DCDC1: variants seen among roughly 807,000 people sequenced by gnomAD.
DCDC1 encodes the protein doublecortin domain-containing protein 1.
In DCDC1, 200 loss-of-function variants were observed where a neutral mutation model predicts 178.3. The observed-to-expected ratio is 1.12, with a 90% CI of 1.00 to 1.26. DCDC1 has a LOEUF of 1.26. Among genes scored for constraint, DCDC1 ranks in the 50% most tolerant of loss-of-function variants. DCDC1 has a pLI of 0.00. For missense variants in DCDC1, 1,983 were observed against 1,749.2 expected (o/e 1.13, Z -2.38); for synonymous variants, 690 against 604.8 (o/e 1.14, Z -2.07).
intron 34 of DCDC1, among the ~76,000 whole-genome samples, chr11:30,894,785 A>C (rs1460584516): frequency 6.6e-6 from 1 of 152,146 alleles, no homozygotes; most frequent in Non-Finnish European, 1.5e-5. Context: ...TTTCCCCCAC[A>C]ATTAGCTTAG....
At position 30,922,655 on chromosome 11, in the gene DCDC1, CT is replaced by C. The variant is rs1251164333; in HGVS notation, c.2998-18del. ...AACATACACCTATCAAACAAAGCAT[CT>C]CTTATCCTGTATATAATTGTCACAG... is the stretch of plus-strand genomic sequence containing the variant. On this transcript the variant is annotated intron_variant, in intron 23 of 38. Transcript: ENST00000684477. 6.6e-6 allele frequency: 10 copies of C among 1,507,088 alleles called. No homozygotes were observed. The highest frequency in any genetic ancestry group is 5.3e-6 in the Non-Finnish European group (6 of 1,136,082). 93.4% of individuals were successfully genotyped at this position (1,507,088 alleles called of 1,614,324 possible).
intron 20 of DCDC1, among the ~76,000 whole-genome samples, chr11:31,037,985 T>G (rs1954183870): frequency 6.8e-6 from 1 of 147,788 alleles, no homozygotes; most frequent in Non-Finnish European, 1.5e-5. Flanking sequence ...GAACATGCGG[T>G]GTTTGGTTTT....
chr11:31,028,659 A>G (rs1275057359), intron 20 of DCDC1, among the ~76,000 whole-genome samples: 1 of 152,034 alleles, frequency 6.6e-6, no homozygotes, highest in Non-Finnish European at 1.5e-5. Flanking sequence ...CACTGTGATA[A>G]ACCTATTTGA....
At chr11:30,929,426 T>G (rs1227197128) in intron 22 of DCDC1, among the ~76,000 whole-genome samples, 6 of 152,004 alleles carry the variant, frequency 3.9e-5, no homozygotes, top group African/African-American at 1.2e-4. Context: ...TCATTCAGGG[T>G]CAACATCTAG....
chr11:31,078,274 T>A (rs1314011027), intron 17 of DCDC1, among the ~76,000 whole-genome samples: 5 of 152,062 alleles, frequency 3.3e-5, no homozygotes, highest in Non-Finnish European at 7.4e-5. Flanking sequence ...GAGACTTAAT[T>A]AAGTATAAAG....
chr11:31,105,922 TA>T (rs1314549074), intron 13 of DCDC1, among the ~76,000 whole-genome samples: 1 of 152,202 alleles, frequency 6.6e-6, no homozygotes, highest in Non-Finnish European at 1.5e-5. Context: ...TATGAAAAAT[TA>T]TTTTCCCTTA....
intron 9 of DCDC1, among the ~76,000 whole-genome samples, chr11:31,234,227 G>A (rs556500813): frequency 1.3e-4 from 20 of 152,286 alleles, no homozygotes; most frequent in African/African-American, 3.6e-4. Context: ...GGGAGGTTAT[G>A]TAAAATTGAT....
At chr11:31,034,998 C>A (rs1370736747) in intron 20 of DCDC1, among the ~76,000 whole-genome samples, 1 of 151,944 alleles carries the variant, frequency 6.6e-6, no homozygotes, top group Non-Finnish European at 1.5e-5. Context: ...GCAAAAGTGC[C>A]CAGAAAAGTT....
chr11:30,944,172 C>T, intron 21 of DCDC1: 1 of 361,462 alleles, frequency 2.8e-6, no homozygotes, highest in South Asian at 2.3e-5. Flanking sequence ...GAACACCAAA[C>T]TTTTTCTGTG....
At chr11:31,025,421 A>G (rs1953157634) in intron 20 of DCDC1, among the ~76,000 whole-genome samples, 1 of 151,818 alleles carries the variant, frequency 6.6e-6, no homozygotes, top group South Asian at 2.1e-4. Context: ...TTCTTAAAAC[A>G]TCCATTACTA....
chr11:31,329,591 G>T (rs1949853421), intron 2 of DCDC1, among the ~76,000 whole-genome samples: 1 of 151,970 alleles, frequency 6.6e-6, no homozygotes, highest in South Asian at 2.1e-4. Flanking sequence ...GATGTTCTCT[G>T]CCCTGTGTCC....
chr11:31,100,311 G>T (rs181937090), intron 15 of DCDC1, among the ~76,000 whole-genome samples: 23 of 152,296 alleles, frequency 1.5e-4, no homozygotes, highest in Non-Finnish European at 2.9e-4. Flanking sequence ...TTGTGCATTT[G>T]CCCTACATTC....
At chr11:31,321,906 C>T (rs936830619) in intron 3 of DCDC1, among the ~76,000 whole-genome samples, 1 of 152,078 alleles carries the variant, frequency 6.6e-6, no homozygotes, top group Non-Finnish European at 1.5e-5. Flanking sequence ...GAAGAAAAAG[C>T]CCTGGTTACT....
At chr11:30,997,994 T>G (rs1473921929) in intron 20 of DCDC1, among the ~76,000 whole-genome samples, 2 of 151,872 alleles carry the variant, frequency 1.3e-5, no homozygotes, top group Non-Finnish European at 1.5e-5. Context: ...AGAGAGAGTT[T>G]AAAAAGAAAG....
chr11:31,086,796 T>C (rs536323893), intron 17 of DCDC1, among the ~76,000 whole-genome samples: 3 of 152,282 alleles, frequency 2.0e-5, no homozygotes, highest in Non-Finnish European at 4.4e-5. Context: ...TTGTATTCCA[T>C]TTGCTAAAAT....
At chr11:31,157,423 A>G (rs1191625984) in intron 9 of DCDC1, among the ~76,000 whole-genome samples, 4 of 143,094 alleles carry the variant, frequency 2.8e-5, no homozygotes, top group African/African-American at 1.0e-4. Flanking sequence ...ATATATACAC[A>G]CATATATATA....
intron 11 of DCDC1, among the ~76,000 whole-genome samples, chr11:31,114,470 A>G (rs1959555380): frequency 6.6e-6 from 1 of 152,112 alleles, no homozygotes; most frequent in Non-Finnish European, 1.5e-5. Flanking sequence ...GGAATCAAGG[A>G]GTGTGATGGA....
intron 1 of DCDC1, among the ~76,000 whole-genome samples, chr11:31,345,923 CA>C (rs1454778164): frequency 6.6e-6 from 1 of 152,154 alleles, no homozygotes; most frequent in East Asian, 1.9e-4. Flanking sequence ...TGCTTGTCAT[CA>C]TGAGATGAAA....
chr11:31,164,458 A>G (rs1318592494), intron 9 of DCDC1, among the ~76,000 whole-genome samples: 1 of 152,182 alleles, frequency 6.6e-6, no homozygotes, highest in African/African-American at 2.4e-5. Context: ...CTAGTGGGAC[A>G]AGATGTGGAA....
Sources: gnomAD v4.1 joint callset for allele counts (sites outside exome capture counted in the v4.1 genomes callset) on GRCh38, gnomAD v4.1.1 for gene constraint, MANE v1.5 for transcripts, NCBI Gene and HGNC (gene_info 2026-07-23, HGNC 2026-07-21) for gene names.